The following ABCB10 variants were observed in gnomAD, a reference collection of about 807,000 sequenced individuals.
ABCB10 encodes ATP-binding cassette sub-family B member 10, mitochondrial.
ABCB10 carries 54 observed loss-of-function variants against 65.4 expected under a neutral mutation model. The ratio of observed to expected loss-of-function variants is 0.83; its 90% confidence interval spans 0.66 to 1.04. The LOEUF is 1.04. Ranked by LOEUF, ABCB10 falls within the 50% of genes least tolerant of loss-of-function variation. The pLI is 0.00. For missense variants in ABCB10, 846 were observed against 976.6 expected, an observed-to-expected ratio of 0.87 and a Z score of 1.78; for synonymous variants, 418 against 406.5, an observed-to-expected ratio of 1.03 and a Z score of -0.34.
intron 1 of ABCB10, among the ~76,000 whole-genome samples, chr1:229,556,197 G>C (rs1395192266): frequency 6.6e-6 from 1 of 152,142 alleles, no homozygotes; most frequent in African/African-American, 2.4e-5. Flanking sequence ...CCAACATGGA[G>C]AAACTCTGTC....
intron 1 of ABCB10, among the ~76,000 whole-genome samples, chr1:229,553,388 G>A (rs1663164501): frequency 6.6e-6 from 1 of 152,068 alleles, no homozygotes; most frequent in African/African-American, 2.4e-5. Flanking sequence ...GGGATTACAG[G>A]CGTGAGCCAC....
At chr1:229,519,682 T>C (rs537147904) in intron 11 of ABCB10, among the ~76,000 whole-genome samples, 15 of 152,242 alleles carry the variant, frequency 9.9e-5, no homozygotes, top group Non-Finnish European at 1.5e-4. Flanking sequence ...CCAGCTACTC[T>C]GGATGCTGAG....
At position 229,558,400 on chromosome 1, in the gene ABCB10, C is replaced by A; in HGVS notation, c.253G>T (p.Gly85Cys). The change falls in exon 1 of 13, where the codon GGC (glycine) becomes TGC (cysteine). Residue 85 changes from glycine (G) to cysteine (C), a missense_variant. By Grantham distance (159) the Gly-to-Cys change is radical (BLOSUM62 -3). Transcript: ENST00000344517. ...CACAGCCCCAGGAGCCGCGCGAGGC[C>A]CAGGACGCCCCGCGAGGCGCCCGGA... Reference protein sequence around the residue: ...GGPGASRGVLGLARLLGLWAR... With the variant: ...GGPGASRGVLCLARLLGLWAR... 1.7e-6 allele frequency: 2 copies of A among 1,206,304 alleles called. No individual in the cohort carries two copies. The highest frequency in any genetic ancestry group is 2.1e-6 in the Non-Finnish European group (2 of 971,612). 74.7% of individuals were successfully genotyped at this position (1,206,304 alleles called of 1,614,324 possible).
intron 12 of ABCB10, 67 bp from the exon 13 acceptor site, chr1:229,518,477 ACAG>A: frequency 7.7e-7 from 1 of 1,296,518 alleles, no homozygotes; most frequent in Non-Finnish European, 1.1e-6. Context: ...CCTGATACAC[ACAG>A]CAGCCCTTCC....
intron 6 of ABCB10, 89 bp downstream of exon 6, chr1:229,539,367 T>C (rs1308276915): frequency 1.3e-6 from 2 of 1,524,126 alleles, no homozygotes; most frequent in Non-Finnish European, 1.8e-6. Flanking sequence ...TGGAAGTTAA[T>C]TGAAGTAATG....
chr1:229,550,992 T>A (rs1663100381), intron 1 of ABCB10, among the ~76,000 whole-genome samples: 1 of 152,208 alleles, frequency 6.6e-6, no homozygotes, highest in Admixed American at 6.5e-5. Flanking sequence ...TTGCCCAGGC[T>A]GGTATCAAAC....
At chr1:229,521,271 T>C (rs994416554) in intron 11 of ABCB10, among the ~76,000 whole-genome samples, 3 of 152,198 alleles carry the variant, frequency 2.0e-5, no homozygotes, top group Admixed American at 1.3e-4. Context: ...ATACTTACGC[T>C]GTTTTATATT....
At chr1:229,546,937 T>A (rs1380437002) in intron 3 of ABCB10, among the ~76,000 whole-genome samples, 1 of 152,214 alleles carries the variant, frequency 6.6e-6, no homozygotes, top group African/African-American at 2.4e-5. Flanking sequence ...TTTGCTTTTT[T>A]AAATGTGGCT....
In ABCB10 at chr1:229,558,476, GAGCAGCGCGGGCCCCGCGCCCCAT is replaced by G. The variant is rs1390553676; in HGVS notation, c.153_176del (p.Ala54_Gly61del). 6 of 1,281,036 alleles carry G rather than the reference GAGCAGCGCGGGCCCCGCGCCCCAT, an allele frequency of 4.7e-6. No homozygotes were observed. Among genetic ancestry groups the G allele is most frequent in the Non-Finnish European group, 5.9e-6 (6 of 1,014,812 alleles). 79.4% of individuals were successfully genotyped at this position (1,281,036 alleles called of 1,614,324 possible). Reference sequence around the variant, plus strand: ...AGCGGCGCGCGGCTCCAACGCCCCAGAGCAGCGCGGGCCCCGCGCCCCATAGCCGCGCCGGCCTCAGGCCAGTGA... The same window carrying G: ...AGCGGCGCGCGGCTCCAACGCCCCAGAGCCGCGCCGGCCTCAGGCCAGTGA... On this transcript the variant is annotated inframe_deletion, in exon 1 of 13. Coordinates refer to ENST00000344517, the MANE Select transcript of ABCB10 (RefSeq NM_012089.3).
At chr1:229,545,208 A>C (rs1368071569) in intron 3 of ABCB10, among the ~76,000 whole-genome samples, 5 of 152,222 alleles carry the variant, frequency 3.3e-5, no homozygotes, top group Non-Finnish European at 1.5e-5. Context: ...CCTGATCCCC[A>C]AAACTATTCA....
chr1:229,542,353 G>GT lies in ABCB10; in HGVS notation c.939_940insA (p.Leu314ThrfsTer42). 1 of 1,612,040 alleles carries GT rather than the reference G, an allele frequency of 6.2e-7. No homozygotes were observed. Among genetic ancestry groups the GT allele is most frequent in the Non-Finnish European group, 8.5e-7 (1 of 1,179,502 alleles). On this transcript the variant is annotated frameshift_variant, in exon 4 of 13. Coordinates refer to ENST00000344517, the MANE Select transcript of ABCB10 (RefSeq NM_012089.3). LOFTEE classifies it high-confidence loss of function. ...ACCACGCTCAAAACAAAGGTGGCCA[G>GT]ATTAGGTGAGACAAAAAACTGTCAA...
chr1:229,534,871 CAAAAA>C (rs145726594), intron 6 of ABCB10, among the ~76,000 whole-genome samples: 1 of 37,298 alleles, frequency 2.7e-5, no homozygotes, highest in Admixed American at 3.9e-4. Context: ...GACTCCATCT[CAAAAA>C]AAAAAAAAAA....
At chr1:229,520,505 CAT>C (rs1049800684) in intron 11 of ABCB10, among the ~76,000 whole-genome samples, 6 of 147,984 alleles carry the variant, frequency 4.1e-5, no homozygotes, top group African/African-American at 7.5e-5. Context: ...AAAGCTAACA[CAT>C]GAGACCAAAA....
chr1:229,550,785 A>G (rs1472379500), intron 1 of ABCB10, among the ~76,000 whole-genome samples: 3 of 150,406 alleles, frequency 2.0e-5, no homozygotes, highest in Non-Finnish European at 4.4e-5. Flanking sequence ...AATCGCTTGA[A>G]CCCAGGAGGT....
chr1:229,534,167 G>A (rs982508284), intron 6 of ABCB10, among the ~76,000 whole-genome samples: 4 of 152,176 alleles, frequency 2.6e-5, no homozygotes, highest in Non-Finnish European at 4.4e-5. Context: ...ATAAGCATAT[G>A]AACAGACGCT....
intron 9 of ABCB10, 151 bp downstream of exon 9, chr1:229,527,078 C>A: frequency 1.4e-6 from 1 of 705,142 alleles, no homozygotes. Context: ...ACTTGCAAAC[C>A]TAAACAACCT....
intron 6 of ABCB10, among the ~76,000 whole-genome samples, chr1:229,536,955 G>GAA (rs1199381373): frequency 3.6e-5 from 4 of 109,624 alleles, no homozygotes; most frequent in African/African-American, 1.3e-4. Flanking sequence ...AAAAAGAAAA[G>GAA]AAAAAAAAAA....
chr1:229,557,668 C>T lies in ABCB10; in HGVS notation c.517+468G>A, dbSNP rs1454755930. Reference sequence around the variant, plus strand: ...AGACAAGTCTGAAAGTTTTGCTTTCCGCTGTGAAAGCATTGGTGACTGCTT... The same window carrying T: ...AGACAAGTCTGAAAGTTTTGCTTTCTGCTGTGAAAGCATTGGTGACTGCTT... On this transcript the variant is annotated intron_variant, in intron 1 of 12. Transcript: ENST00000344517. Among the ~76,000 whole-genome samples the T allele has an allele frequency of 2.6e-5, 4 of 152,040 alleles. No homozygotes were observed. The South Asian group carries it at 6.2e-4, about 24-fold the overall frequency.
chr1:229,528,451 T>C (rs1340230131), intron 8 of ABCB10, among the ~76,000 whole-genome samples: 2 of 151,782 alleles, frequency 1.3e-5, no homozygotes, highest in Non-Finnish European at 2.9e-5. Flanking sequence ...AGGTGTGAAC[T>C]ACTGTGCCCA....
Sources: gnomAD v4.1 joint callset for allele counts (sites outside exome capture counted in the v4.1 genomes callset) on GRCh38, gnomAD v4.1.1 for gene constraint, MANE v1.5 for transcripts, NCBI Gene and HGNC (gene_info 2026-07-23, HGNC 2026-07-21) for gene names.